The following PNPLA7 variants were observed in gnomAD, a reference collection of about 807,000 sequenced individuals.
PNPLA7 encodes the protein patatin like domain 7, lysophospholipase.
Under a neutral mutation model 161.7 loss-of-function variants are expected in PNPLA7, and 153 were observed. The observed-to-expected ratio is 0.95, with a 90% confidence interval of 0.83 to 1.08. PNPLA7 has a LOEUF of 1.08. Among genes scored for constraint, PNPLA7 ranks in the 50% least tolerant of loss-of-function variants. The pLI is 0.00. For synonymous variants in PNPLA7, 809 were observed against 782.1 expected (o/e 1.03, Z -0.57); for missense variants, 1,739 against 1,856.6 (o/e 0.94, Z 1.16).
At chr9:137,494,968 T>C (rs1199197320) in intron 19 of PNPLA7, 65 bp downstream of exon 19, 30 of 1,429,752 alleles carry the variant, frequency 2.1e-5, no homozygotes, top group Non-Finnish European at 2.8e-5. Context: ...CGCCCTCACC[T>C]GTTCCATGCC....
intron 9 of PNPLA7, among the ~76,000 whole-genome samples, chr9:137,522,231 C>T (rs565209619): frequency 2.2e-4 from 34 of 152,298 alleles, no homozygotes; most frequent in Non-Finnish European, 4.4e-4. Context: ...CCCGCCACCA[C>T]GCCTGGCTAA....
chr9:137,508,504 T>C (rs1015831802), intron 12 of PNPLA7, among the ~76,000 whole-genome samples: 15 of 151,708 alleles, frequency 9.9e-5, no homozygotes, highest in African/African-American at 3.6e-4. Flanking sequence ...GAGATGGAGC[T>C]TGCAGTGAGC....
At chr9:137,474,499 C>T (rs1030594248) in intron 25 of PNPLA7, among the ~76,000 whole-genome samples, 10 of 152,114 alleles carry the variant, frequency 6.6e-5, no homozygotes, top group East Asian at 1.9e-4. Context: ...AGGAAGGCGA[C>T]GAGCATTCTC....
In PNPLA7 at chr9:137,540,499, C is replaced by T; in HGVS notation, c.747+143G>A. 1.4e-6 allele frequency: 1 copy of T among 715,290 alleles called. No homozygotes were observed. The highest frequency in any genetic ancestry group is 2.7e-5 in the Admixed American group (1 of 37,620). The allele number at this position is 715,290 out of a possible 1,614,324, so 44.3% of individuals were successfully genotyped here. On this transcript the variant is annotated intron_variant, in intron 8 of 34. Coordinates refer to ENST00000406427, the MANE Select transcript of PNPLA7 (RefSeq NM_001098537.3). This position sits in a 1 kb window ranked among gnomAD's most constrained non-coding sequence, Gnocchi z 5.1. ...GAAGCTCCCTCCTCTTTCTTCCCTC[C>T]TTCCTGGACCAAACCCTGCTCCCCT...
At chr9:137,533,340 C>T (rs1377183441) in intron 8 of PNPLA7, among the ~76,000 whole-genome samples, 1 of 146,822 alleles carries the variant, frequency 6.8e-6, no homozygotes, top group Non-Finnish European at 1.5e-5. Flanking sequence ...CCCCAGACTC[C>T]TCCCCAAGTG....
At position 137,547,823 on chromosome 9, in the gene PNPLA7, C is replaced by T. The variant is rs1241858467; in HGVS notation, c.31-164G>A. 1.3e-5 allele frequency among the ~76,000 whole-genome samples: 2 copies of T among 152,190 alleles called. No individual in the cohort carries two copies. The highest frequency in any genetic ancestry group is 2.9e-5 in the Non-Finnish European group (2 of 67,986). On this transcript the variant is annotated intron_variant, in intron 1 of 34. Coordinates refer to ENST00000406427, the MANE Select transcript of PNPLA7 (RefSeq NM_001098537.3). The surrounding 1 kb of genome is among the most constrained non-coding windows in gnomAD (Gnocchi z 4.6). ...GGGGTGCCGGGGTCCTCTGAGCCCC[C>T]TGCTAGGAAGCACTCAGAGAGCAAC...
At chr9:137,510,241 T>G (rs967114883) in intron 12 of PNPLA7, among the ~76,000 whole-genome samples, 7 of 152,074 alleles carry the variant, frequency 4.6e-5, no homozygotes, top group African/African-American at 7.2e-5. Context: ...CTCCTCTACC[T>G]CTTGTGGAGG....
intron 9 of PNPLA7, among the ~76,000 whole-genome samples, 166 bp downstream of exon 9, chr9:137,522,563 C>T (rs868088504): frequency 6.6e-6 from 1 of 152,370 alleles, no homozygotes; most frequent in South Asian, 2.1e-4. Context: ...GTAAGTCCCG[C>T]CAATGAAGTT....
chr9:137,465,465 G>A (rs1174462752), intron 26 of PNPLA7, among the ~76,000 whole-genome samples: 1 of 152,232 alleles, frequency 6.6e-6, no homozygotes, highest in Non-Finnish European at 1.5e-5. Context: ...GCCACCAGGT[G>A]ACTCTGGGAC....
intron 19 of PNPLA7, among the ~76,000 whole-genome samples, chr9:137,493,599 G>A (rs1303816278): frequency 6.6e-6 from 1 of 152,248 alleles, no homozygotes; most frequent in Non-Finnish European, 1.5e-5. Flanking sequence ...CCCAGGGGCT[G>A]ACTGTACAGC....
At position 137,476,376 on chromosome 9, in the gene PNPLA7, C is replaced by A. The variant is rs539932630; in HGVS notation, c.2882+1658G>T. On this transcript the variant is annotated intron_variant, in intron 25 of 34. Coordinates refer to ENST00000406427, the MANE Select transcript of PNPLA7 (RefSeq NM_001098537.3). This position sits in a 1 kb window ranked among gnomAD's most constrained non-coding sequence, Gnocchi z 4.5. ...TAACAACACAGACAGTGAGTGCTGG[C>A]TAACTAGTGATGGGACCACACTGGG... is the stretch of plus-strand genomic sequence containing the variant. Among the ~76,000 whole-genome samples, 20 of 152,162 alleles carry A rather than the reference C, an allele frequency of 1.3e-4. No homozygotes were observed. In the South Asian group the frequency reaches 4.2e-3, roughly 32 times the overall value.
chr9:137,465,419 C>A (rs1389457069), intron 26 of PNPLA7, among the ~76,000 whole-genome samples: 1 of 152,224 alleles, frequency 6.6e-6, no homozygotes, highest in Admixed American at 6.5e-5. Flanking sequence ...CCTGGCCCCC[C>A]AGCCCCAGAC....
intron 22 of PNPLA7, 89 bp from the exon 23 acceptor site, chr9:137,480,569 A>G: frequency 1.4e-6 from 2 of 1,418,080 alleles, no homozygotes; most frequent in Non-Finnish European, 1.9e-6. Flanking sequence ...AGCAGAGGCC[A>G]GCACCAGCCG....
chr9:137,496,155 G>A, intron 18 of PNPLA7, among the ~76,000 whole-genome samples: 1 of 103,170 alleles, frequency 9.7e-6, no homozygotes, highest in Middle Eastern at 6.6e-3. Context: ...TTTTTTTTTT[G>A]AGATAGAGTT....
intron 14 of PNPLA7, among the ~76,000 whole-genome samples, chr9:137,504,426 G>C (rs1013285961): frequency 6.6e-6 from 1 of 152,184 alleles, no homozygotes; most frequent in East Asian, 1.9e-4. Flanking sequence ...TGGTCAGGCT[G>C]GTCTCGGACT....
chr9:137,491,547 G>A (rs937496294), intron 20 of PNPLA7: 2 of 985,300 alleles, frequency 2.0e-6, no homozygotes, highest in Non-Finnish European at 2.4e-6. Context: ...TCACAGTGCA[G>A]GTAAGTGGAG....
intron 13 of PNPLA7, 41 bp from the exon 14 acceptor site, chr9:137,505,801 G>C (rs1248475278): frequency 1.9e-6 from 3 of 1,608,966 alleles, no homozygotes; most frequent in Non-Finnish European, 2.6e-6. Context: ...AAGGGATGTG[G>C]TTGGGGAACA....
Position 137,541,410 on chromosome 9 carries a change from G to A in PNPLA7, c.667-688C>T, listed in dbSNP as rs1343332959. 2.1e-5 allele frequency: 21 copies of A among 985,252 alleles called. No homozygotes were observed. The highest frequency in any genetic ancestry group is 4.7e-5 in the South Asian group (1 of 21,278). 61.0% of individuals were successfully genotyped at this position (985,252 alleles called of 1,614,324 possible). A position where few individuals can be genotyped will look rare whatever the true frequency, so the allele number is the denominator to read the frequency against. On this transcript the variant is annotated intron_variant, in intron 7 of 34. Coordinates refer to ENST00000406427, the MANE Select transcript of PNPLA7 (RefSeq NM_001098537.3). This position sits in a 1 kb window ranked among gnomAD's most constrained non-coding sequence, Gnocchi z 4.4. ...CATCAAGTCCAGCCACAGACAAAGC[G>A]ACAAACCTGAGAACCAAATAATTTG... is the stretch of plus-strand genomic sequence containing the variant.
At chr9:137,489,993 G>A (rs1457823484) in intron 20 of PNPLA7, among the ~76,000 whole-genome samples, 1 of 152,170 alleles carries the variant, frequency 6.6e-6, no homozygotes, top group Non-Finnish European at 1.5e-5. Flanking sequence ...ATAAACCTAC[G>A]GGTCCAAGAC....
Sources: gnomAD v4.1 joint callset for allele counts (sites outside exome capture counted in the v4.1 genomes callset) on GRCh38, gnomAD v4.1.1 for gene constraint, Gnocchi (gnomAD v3.1) non-coding constraint, MANE v1.5 for transcripts, NCBI Gene and HGNC (gene_info 2026-07-23, HGNC 2026-07-21) for gene names.